Variants in PPAT observed in about 807,000 individuals in gnomAD.
The protein encoded by PPAT is amidophosphoribosyltransferase.
A neutral mutation model predicts 60.2 loss-of-function variants in PPAT; 20 were observed. That is an observed-to-expected ratio of 0.33 (90% CI 0.23 to 0.48). The LOEUF (loss-of-function observed/expected upper bound fraction) is 0.48, where lower values mean the gene tolerates loss of function less well. PPAT is among the 20% of genes least tolerant of loss of function. The pLI, the probability that PPAT is intolerant of heterozygous loss-of-function variation, is 0.99. For synonymous variants in PPAT, 194 were observed against 215.1 expected (o/e 0.90, Z 0.86); for missense variants, 349 against 629.6 (o/e 0.55, Z 4.77).
chr4:56,424,748 C>G (rs1717205598), intron 1 of PPAT, among the ~76,000 whole-genome samples: 1 of 152,214 alleles, frequency 6.6e-6, no homozygotes, highest in South Asian at 2.1e-4. Context: ...AATCTTATCA[C>G]CTACCTGTCT....
chr4:56,403,451 C>G, intron 3 of PPAT, 50 bp from the exon 4 acceptor site: 1 of 1,382,436 alleles, frequency 7.2e-7, no homozygotes, highest in South Asian at 1.2e-5. Flanking sequence ...AGCTCCACCC[C>G]ACCCCAAACC....
At chr4:56,408,831 A>G (rs1009283900) in intron 1 of PPAT, among the ~76,000 whole-genome samples, 1 of 152,006 alleles carries the variant, frequency 6.6e-6, no homozygotes, top group Non-Finnish European at 1.5e-5. Context: ...ACCCATTAAC[A>G]TCCTCTGTAA....
rs761055747 is a variant in PPAT, at chr4:56,406,681, G to T, written c.216C>A (p.His72Gln). The T allele has an allele frequency of 1.9e-6, 3 of 1,610,230 alleles. No homozygotes were observed. Among genetic ancestry groups the T allele is most frequent in the East Asian group, 2.2e-5 (1 of 44,828 alleles). ...KSHKGMGLVN[H>Q]VFTEDNLKKL... ...TTTTCAAATTGTCTTCAGTAAAGACGTGATTTACAAGACCCATTCCCTTGA... is the reference window on the plus strand; with the variant it reads ...TTTTCAAATTGTCTTCAGTAAAGACTTGATTTACAAGACCCATTCCCTTGA... Residue 72 changes from histidine to glutamine, a missense_variant, in exon 3 of 11, where the codon CAC (histidine) becomes CAA (glutamine). Around this residue, in one of 5 missense-constraint regions of PPAT, gnomAD observed 115 missense variants for 174.5 expected, o/e 0.66. Coordinates refer to ENST00000264220, the MANE Select transcript of PPAT (RefSeq NM_002703.5).
Position 56,401,326 on chromosome 4 carries a change from T to G in PPAT, c.886+4A>C, listed in dbSNP as rs759699926. 6.4e-7 allele frequency: 1 copy of G among 1,566,052 alleles called. No individual in the cohort carries two copies. The highest frequency in any genetic ancestry group is 8.6e-7 in the Non-Finnish European group (1 of 1,158,982). Reference sequence around the variant, plus strand: ...GAATGTTCAAAGAAAAGAAATCTACTTACCTTCGAACATACTGTCTGGTCT... The same window carrying G: ...GAATGTTCAAAGAAAAGAAATCTACGTACCTTCGAACATACTGTCTGGTCT... On this transcript the variant is annotated splice_donor_region_variant and intron_variant, in intron 7 of 10. Transcript: ENST00000264220.
At chr4:56,433,183 T>C (rs1717693160) in intron 1 of PPAT, among the ~76,000 whole-genome samples, 1 of 151,894 alleles carries the variant, frequency 6.6e-6, no homozygotes, top group South Asian at 2.1e-4. Context: ...TTGAATTGAT[T>C]ATGGGTGAGA....
chr4:56,430,260 C>A (rs1022107312), intron 1 of PPAT, among the ~76,000 whole-genome samples: 1 of 152,124 alleles, frequency 6.6e-6, no homozygotes, highest in Non-Finnish European at 1.5e-5. Context: ...AAGTGGAAGG[C>A]AGGGTCATAG....
At chr4:56,406,207 T>C (rs1254692401) in intron 3 of PPAT, among the ~76,000 whole-genome samples, 1 of 152,198 alleles carries the variant, frequency 6.6e-6, no homozygotes, top group Non-Finnish European at 1.5e-5. Context: ...TAAACTCTAA[T>C]TTCTCTATGC....
chr4:56,420,057 G>A, intron 1 of PPAT: 1 of 950,340 alleles, frequency 1.1e-6, no homozygotes, highest in Non-Finnish European at 1.3e-6. Context: ...AGGTAGGAAG[G>A]TGAAGAAAAA....
intron 10 of PPAT, among the ~76,000 whole-genome samples, chr4:56,395,933 A>T (rs915551997): frequency 3.3e-5 from 5 of 152,194 alleles, no homozygotes; most frequent in African/African-American, 9.6e-5. Flanking sequence ...TGGTGGAAAC[A>T]TTGCCTAAAT....
At chr4:56,402,232 C>T (rs780167953) in intron 5 of PPAT, 51 bp from the exon 6 acceptor site, 15 of 1,376,636 alleles carry the variant, frequency 1.1e-5, no homozygotes, top group Non-Finnish European at 1.4e-5. Context: ...TTTTAAGAGG[C>T]TATTTCAATG....
chr4:56,411,735 G>A (rs748784165), intron 1 of PPAT, among the ~76,000 whole-genome samples: 4 of 152,142 alleles, frequency 2.6e-5, no homozygotes, highest in Non-Finnish European at 4.4e-5. Context: ...TTAGTAATGC[G>A]AAACCTCAAA....
At chr4:56,431,998 C>A (rs1344169159) in intron 1 of PPAT, among the ~76,000 whole-genome samples, 1 of 152,192 alleles carries the variant, frequency 6.6e-6, no homozygotes, top group African/African-American at 2.4e-5. Context: ...ACAGCCAGAA[C>A]TACTAAAAAC....
At chr4:56,426,264 G>A (rs1717280067) in intron 1 of PPAT, among the ~76,000 whole-genome samples, 1 of 152,032 alleles carries the variant, frequency 6.6e-6, no homozygotes, top group Admixed American at 6.6e-5. Flanking sequence ...AGCTGGGCGT[G>A]GTGGCCGCGC....
chr4:56,393,388 A>G lies in PPAT; in HGVS notation c.*1964T>C, dbSNP rs1274828419. ...TTAAACATACTTATTACACATATTTATCAACAAGGCATCACAAATAAGTCA... is the reference window on the plus strand; with the variant it reads ...TTAAACATACTTATTACACATATTTGTCAACAAGGCATCACAAATAAGTCA... On this transcript the variant is annotated 3_prime_UTR_variant, in exon 11 of 11. Coordinates refer to ENST00000264220, the MANE Select transcript of PPAT (RefSeq NM_002703.5). The G allele has an allele frequency of 6.6e-6, 1 of 152,046 alleles. No homozygotes were observed. The highest frequency in any genetic ancestry group is 2.4e-5 in the African/African-American group (1 of 41,430). 9.4% of individuals were successfully genotyped at this position (152,046 alleles called of 1,614,324 possible).
At chr4:56,397,673 T>C (rs2110036660) in intron 9 of PPAT, among the ~76,000 whole-genome samples, 1 of 152,232 alleles carries the variant, frequency 6.6e-6, no homozygotes, top group African/African-American at 2.4e-5. Context: ...AATATATCTA[T>C]ATAAAAACAT....
Position 56,395,192 on chromosome 4 carries a change from T to C in PPAT, c.*160A>G. On this transcript the variant is annotated 3_prime_UTR_variant, in exon 11 of 11. Coordinates refer to ENST00000264220, the MANE Select transcript of PPAT (RefSeq NM_002703.5). ...TTGGAAATGTTCAGTTATCGCACTT[T>C]GGTATCCTTTTCAGAAAAAAAAAAA... is the stretch of plus-strand genomic sequence containing the variant. 1 of 600,206 alleles carries C rather than the reference T, an allele frequency of 1.7e-6. No homozygotes were observed. Among genetic ancestry groups the C allele is most frequent in the Non-Finnish European group, 2.8e-6 (1 of 358,026 alleles). 37.2% of individuals were successfully genotyped at this position (600,206 alleles called of 1,614,324 possible). A position where few individuals can be genotyped will look rare whatever the true frequency, so the allele number is the denominator to read the frequency against.
intron 10 of PPAT, 29 bp from the exon 11 acceptor site, chr4:56,395,577 A>T (rs901728762): frequency 6.8e-7 from 1 of 1,460,968 alleles, no homozygotes; most frequent in African/African-American, 1.5e-5. Context: ...ATAAAAATGT[A>T]ATAAGAATTC....
chr4:56,411,821 G>A (rs770411668), intron 1 of PPAT, among the ~76,000 whole-genome samples: 8 of 152,172 alleles, frequency 5.3e-5, no homozygotes, highest in Non-Finnish European at 8.8e-5. Context: ...AAATGTGAAT[G>A]GGGTTAAGAG....
intron 1 of PPAT, among the ~76,000 whole-genome samples, chr4:56,408,577 T>C (rs12650250): frequency 6.6e-6 from 1 of 150,780 alleles, no homozygotes; most frequent in East Asian, 2.0e-4. Flanking sequence ...ACACGGTGAA[T>C]CCCCGTCTCT....
Sources: allele counts gnomAD v4.1 joint callset (sites outside exome capture counted in the v4.1 genomes callset), GRCh38; gene constraint gnomAD v4.1.1; regional missense constraint gnomAD v4.1.1; transcripts MANE v1.5; gene names NCBI Gene and HGNC (gene_info 2026-07-23, HGNC 2026-07-21).